The following SMYD3 variants were observed in gnomAD, a reference collection of about 807,000 sequenced individuals.
SMYD3 encodes the protein histone-lysine N-methyltransferase SMYD3.
In SMYD3, 36 loss-of-function variants were observed where a neutral mutation model predicts 57.7. That is an observed-to-expected ratio of 0.62 (90% confidence interval 0.48 to 0.82). The LOEUF is 0.82. SMYD3 is among the 40% of genes least tolerant of loss of function. SMYD3 has a pLI of 0.00. For missense variants in SMYD3, 515 were observed against 538.8 expected (o/e 0.96, Z 0.44); for synonymous variants, 211 against 195.0 (o/e 1.08, Z -0.68).
intron 5 of SMYD3, chr1:246,326,496 G>T: frequency 1.7e-6 from 1 of 575,946 alleles, no homozygotes; most frequent in Non-Finnish European, 3.0e-6. Context: ...TCAGGAGGCC[G>T]GGCGTGGCAG....
At chr1:245,994,844 C>T (rs1175880138) in intron 5 of SMYD3, among the ~76,000 whole-genome samples, 3 of 151,964 alleles carry the variant, frequency 2.0e-5, no homozygotes, top group African/African-American at 7.3e-5. Context: ...ATCTAACCTT[C>T]GGCTGGGCGC....
chr1:246,389,772 G>A (rs2066528868), intron 1 of SMYD3, among the ~76,000 whole-genome samples: 1 of 118,380 alleles, frequency 8.4e-6, no homozygotes, highest in East Asian at 2.5e-4. Flanking sequence ...CTTGTAGAAA[G>A]CATTCATTCT....
intron 1 of SMYD3, among the ~76,000 whole-genome samples, chr1:246,471,358 C>A (rs1244293767): frequency 6.6e-6 from 1 of 152,076 alleles, no homozygotes; most frequent in Admixed American, 6.6e-5. Flanking sequence ...GCCACTACTC[C>A]CAGTTAATTC....
chr1:246,061,725 AAAAAT>A (rs2060255828), intron 5 of SMYD3, among the ~76,000 whole-genome samples: 1 of 152,196 alleles, frequency 6.6e-6, no homozygotes, highest in African/African-American at 2.4e-5. Flanking sequence ...ACCCTGTCTC[AAAAAT>A]AAAATAATTT....
At chr1:246,472,787 G>A (rs1446313722) in intron 1 of SMYD3, among the ~76,000 whole-genome samples, 1 of 150,986 alleles carries the variant, frequency 6.6e-6, no homozygotes, top group Non-Finnish European at 1.5e-5. Context: ...TCCTTCTCCT[G>A]CTCCCCAAGG....
chr1:245,903,911 G>C (rs1222882415), intron 8 of SMYD3, among the ~76,000 whole-genome samples: 12 of 152,232 alleles, frequency 7.9e-5, no homozygotes, highest in Admixed American at 7.8e-4. Flanking sequence ...AGGGGCTGCT[G>C]TGAAAGTCTC....
intron 1 of SMYD3, among the ~76,000 whole-genome samples, chr1:246,358,326 A>C: frequency 6.6e-6 from 1 of 152,222 alleles, no homozygotes; most frequent in East Asian, 1.9e-4. Flanking sequence ...AATTACTAAT[A>C]GACCTAAGAA....
At chr1:246,213,820 T>C (rs1451977671) in intron 5 of SMYD3, among the ~76,000 whole-genome samples, 1 of 152,186 alleles carries the variant, frequency 6.6e-6, no homozygotes, top group Non-Finnish European at 1.5e-5. Context: ...ACGAACTTAG[T>C]GTGCTTTTCT....
intron 1 of SMYD3, among the ~76,000 whole-genome samples, chr1:246,421,113 C>T (rs371472382): frequency 3.3e-5 from 5 of 152,098 alleles, no homozygotes; most frequent in African/African-American, 1.2e-4. Flanking sequence ...AAGGAATAAT[C>T]GAAATTACTA....
At chr1:246,287,675 C>T (rs2064597979) in intron 5 of SMYD3, among the ~76,000 whole-genome samples, 2 of 152,080 alleles carry the variant, frequency 1.3e-5, no homozygotes, top group African/African-American at 4.8e-5. Context: ...TTCCTTACAC[C>T]TGACCCTGTC....
intron 2 of SMYD3, among the ~76,000 whole-genome samples, chr1:246,353,031 G>A (rs754595801): frequency 1.3e-5 from 2 of 152,062 alleles, no homozygotes; most frequent in African/African-American, 4.8e-5. Flanking sequence ...AAAACACCTA[G>A]AACATCACCA....
At chr1:246,210,803 A>G (rs1303508484) in intron 5 of SMYD3, among the ~76,000 whole-genome samples, 1 of 152,050 alleles carries the variant, frequency 6.6e-6, no homozygotes, top group Non-Finnish European at 1.5e-5. Flanking sequence ...CTCACAGTCT[A>G]TATATTTGAC....
chr1:246,446,330 T>C (rs1295361823), intron 1 of SMYD3, among the ~76,000 whole-genome samples: 1 of 152,176 alleles, frequency 6.6e-6, no homozygotes, highest in Non-Finnish European at 1.5e-5. Context: ...ATTATCATAT[T>C]TGTCCTAAAG....
intron 5 of SMYD3, among the ~76,000 whole-genome samples, chr1:246,046,496 G>C (rs1367647380): frequency 1.3e-5 from 2 of 151,850 alleles, no homozygotes. Flanking sequence ...GAGTGGGGAG[G>C]GATAGCATTA....
intron 7 of SMYD3, among the ~76,000 whole-genome samples, chr1:245,926,283 A>C (rs2056367920): frequency 6.6e-6 from 1 of 152,250 alleles, no homozygotes; most frequent in South Asian, 2.1e-4. Flanking sequence ...CGAAGGGCAT[A>C]TAACATTAAG....
chr1:246,315,750 T>G (rs772181479), intron 5 of SMYD3, among the ~76,000 whole-genome samples: 2 of 152,244 alleles, frequency 1.3e-5, no homozygotes, highest in Non-Finnish European at 2.9e-5. Flanking sequence ...CATTAGGTAC[T>G]AAACACAGAA....
intron 1 of SMYD3, among the ~76,000 whole-genome samples, chr1:246,442,705 T>C (rs2067488493): frequency 6.6e-6 from 1 of 152,178 alleles, no homozygotes; most frequent in African/African-American, 2.4e-5. Context: ...AATATATATA[T>C]ATTTTGAACA....
intron 1 of SMYD3, among the ~76,000 whole-genome samples, chr1:246,417,756 T>C (rs574919472): frequency 1.3e-5 from 2 of 152,298 alleles, no homozygotes; most frequent in Admixed American, 6.5e-5. Context: ...ACTGTGCTTA[T>C]TACTTAGCAG....
chr1:245,926,183 C>A (rs2056357271), intron 7 of SMYD3, among the ~76,000 whole-genome samples: 1 of 152,156 alleles, frequency 6.6e-6, no homozygotes, highest in Non-Finnish European at 1.5e-5. Flanking sequence ...CCCAAAGACT[C>A]CACCTCCACA....
Sources: allele counts gnomAD v4.1 joint callset (sites outside exome capture counted in the v4.1 genomes callset), GRCh38; gene constraint gnomAD v4.1.1; transcripts MANE v1.5; gene names NCBI Gene and HGNC (gene_info 2026-07-23, HGNC 2026-07-21).